Variants in MIOS observed in about 807,000 individuals in gnomAD.
The protein encoded by MIOS is meiosis regulator for oocyte development.
In MIOS, 52 loss-of-function variants were observed where a neutral mutation model predicts 96.9. The observed-to-expected ratio is 0.54, with a 90% CI of 0.43 to 0.68. The LOEUF (loss-of-function observed/expected upper bound fraction) is 0.68. Among genes scored for constraint, MIOS ranks in the 30% least tolerant of loss-of-function variants. MIOS has a pLI of 0.00. For missense variants in MIOS, 1,005 were observed against 1,052.8 expected (o/e 0.95, Z 0.63); for synonymous variants, 397 against 359.5 (o/e 1.10, Z -1.18).
chr7:7,601,981 A>G (rs1485612739), intron 11 of MIOS, among the ~76,000 whole-genome samples: 2 of 152,252 alleles, frequency 1.3e-5, no homozygotes, highest in African/African-American at 4.8e-5. Flanking sequence ...CCACATGATT[A>G]TCTCAATAGA....
At chr7:7,606,905 G>C in intron 12 of MIOS, 91 bp from the exon 13 acceptor site, 1 of 1,025,612 alleles carries the variant, frequency 9.8e-7, no homozygotes, top group Non-Finnish European at 1.5e-6. Context: ...GGGAAATATA[G>C]GGAGACCCTG....
At chr7:7,591,735 G>A (rs1350542811) in intron 9 of MIOS, among the ~76,000 whole-genome samples, 1 of 151,886 alleles carries the variant, frequency 6.6e-6, no homozygotes, top group Non-Finnish European at 1.5e-5. Flanking sequence ...AATGTACCTG[G>A]TTGTGGTTCA....
intron 6 of MIOS, among the ~76,000 whole-genome samples, chr7:7,583,989 CAG>C (rs1420727345): frequency 1.3e-5 from 2 of 152,078 alleles, no homozygotes; most frequent in East Asian, 1.9e-4. Flanking sequence ...TACAAAACCT[CAG>C]GGGTTTTTTT....
chr7:7,583,473 A>T, intron 6 of MIOS, 101 bp downstream of exon 6: 1 of 1,264,266 alleles, frequency 7.9e-7, no homozygotes, highest in Non-Finnish European at 1.1e-6. Context: ...ATATCTAATC[A>T]CTTAAAATTT....
At chr7:7,570,808 G>A (rs1300703735) in intron 3 of MIOS, among the ~76,000 whole-genome samples, 1 of 152,168 alleles carries the variant, frequency 6.6e-6, no homozygotes, top group Non-Finnish European at 1.5e-5. Flanking sequence ...GAGATGAGTG[G>A]CTGTAAATAA....
chr7:7,572,597 G>T lies in MIOS; in HGVS notation c.122G>T (p.Gly41Val). Reference protein sequence around the residue: ...ESTVNSELKAGSLRLSEDSAA... With the variant: ...ESTVNSELKAVSLRLSEDSAA... ...ACTGTGAATTCAGAACTCAAAGCTG[G>T]ATCTTTACGTTTATCTGAAGACTCT... Residue 41 changes from glycine (G) to valine (V), a missense_variant, in exon 4 of 13, where the codon GGA becomes GTA. This residue lies in a region of MIOS where 137 missense variants were observed against 148.6 expected (regional missense o/e 0.92). Coordinates refer to ENST00000340080, the MANE Select transcript of MIOS (RefSeq NM_019005.4). The surrounding 1 kb of genome is among the most constrained non-coding windows in gnomAD (Gnocchi z 4.8). 6.2e-7 allele frequency: 1 copy of T among 1,614,040 alleles called. No individual in the cohort carries two copies. Among genetic ancestry groups the T allele is most frequent in the South Asian group, 1.1e-5 (1 of 91,078 alleles).
intron 8 of MIOS, among the ~76,000 whole-genome samples, chr7:7,588,987 G>C (rs905859244): frequency 6.6e-6 from 1 of 152,084 alleles, no homozygotes; most frequent in African/African-American, 2.4e-5. Flanking sequence ...GAGGAATCTT[G>C]GCAAGAGTTT....
In MIOS at chr7:7,589,572, A is replaced by T. The variant is rs757356103; in HGVS notation, c.2043+9A>T. On this transcript the variant is annotated intron_variant, in intron 9 of 12. Transcript: ENST00000340080. ...GTTACTGTATGTTACAGGTCAGTGC[A>T]GTTTGACAGCAGCTTTTAAAAAAGT... The T allele has an allele frequency of 6.4e-7, 1 of 1,570,380 alleles. No individual in the cohort carries two copies. Among genetic ancestry groups the T allele is most frequent in the South Asian group, 1.2e-5 (1 of 83,050 alleles).
In MIOS at chr7:7,607,161, A is replaced by G. The variant is rs1784556112; in HGVS notation, c.*69A>G. On this transcript the variant is annotated 3_prime_UTR_variant, in exon 13 of 13. Coordinates refer to ENST00000340080, the MANE Select transcript of MIOS (RefSeq NM_019005.4). ...AGTAGGTGTCCTTCATAGCTCAGAAACATACCTCAGAACAAGCCATTCATG... is the reference window on the plus strand; with the variant it reads ...AGTAGGTGTCCTTCATAGCTCAGAAGCATACCTCAGAACAAGCCATTCATG... The G allele has an allele frequency of 8.3e-7, 1 of 1,198,208 alleles. No homozygotes were observed. The allele number at this position is 1,198,208 out of a possible 1,614,324, so 74.2% of individuals were successfully genotyped here. A position where few individuals can be genotyped will look rare whatever the true frequency, so the allele number is the denominator to read the frequency against.
rs1011338978 is a variant in MIOS at position 7,573,913 on chromosome 7, C to T, written c.1294+144C>T. On this transcript the variant is annotated intron_variant, in intron 4 of 12. Transcript: ENST00000340080. The surrounding 1 kb of genome is among the most constrained non-coding windows in gnomAD (Gnocchi z 5.0). ...ACTAACATTATAAAGTAAAATTGTT[C>T]TAAACTTTCGAACTTGAAATACTGC... 27 of 1,030,388 alleles carry T rather than the reference C, an allele frequency of 2.6e-5. No homozygotes were observed. In the East Asian group the frequency reaches 5.3e-4, roughly 20 times the overall value. 63.8% of individuals were successfully genotyped at this position (1,030,388 alleles called of 1,614,324 possible).
At chr7:7,599,714 C>T (rs1784315152) in intron 11 of MIOS, among the ~76,000 whole-genome samples, 1 of 151,992 alleles carries the variant, frequency 6.6e-6, no homozygotes, top group African/African-American at 2.4e-5. Flanking sequence ...TTAGGGAGAG[C>T]CTGAATATGA....
At chr7:7,606,411 G>A (rs1229311708) in intron 12 of MIOS, among the ~76,000 whole-genome samples, 1 of 152,192 alleles carries the variant, frequency 6.6e-6, no homozygotes, top group Non-Finnish European at 1.5e-5. Flanking sequence ...CTAATGAAAT[G>A]TTAAAAGAGC....
chr7:7,570,639 G>A (rs1025114942), intron 3 of MIOS, among the ~76,000 whole-genome samples: 2 of 151,774 alleles, frequency 1.3e-5, no homozygotes, highest in African/African-American at 2.4e-5. Context: ...CCATATGGGA[G>A]TGATAGGAGA....
At chr7:7,603,635 A>G (rs191514079) in intron 11 of MIOS, among the ~76,000 whole-genome samples, 15,386 of 152,238 alleles carry the variant, frequency 0.1, 851 homozygotes, top group Middle Eastern at 0.23. Flanking sequence ...TAGTTCAACC[A>G]TTGTGGAAGT....
At chr7:7,593,616 G>A (rs796561622) in intron 9 of MIOS, among the ~76,000 whole-genome samples, 6 of 151,994 alleles carry the variant, frequency 3.9e-5, no homozygotes, top group South Asian at 2.1e-4. Flanking sequence ...TAAAGCGGCC[G>A]GGCACGGTGA....
intron 11 of MIOS, among the ~76,000 whole-genome samples, chr7:7,597,183 G>A (rs995863750): frequency 3.0e-4 from 46 of 151,546 alleles, no homozygotes; most frequent in African/African-American, 1.0e-3. Flanking sequence ...AAAATTAGCC[G>A]GGCGTGGTGG....
intron 11 of MIOS, among the ~76,000 whole-genome samples, chr7:7,602,170 G>A (rs1240633892): frequency 3.9e-5 from 6 of 152,160 alleles, no homozygotes; most frequent in African/African-American, 9.7e-5. Flanking sequence ...GCACAAGACA[G>A]GGATGCCCTC....
intron 4 of MIOS, 39 bp from the exon 5 acceptor site, chr7:7,574,059 T>C: frequency 1.4e-6 from 2 of 1,417,092 alleles, no homozygotes; most frequent in South Asian, 2.5e-5. Flanking sequence ...TTGAAATATA[T>C]TGTCATGCAT....
At chr7:7,595,583 C>A (rs963693021) in intron 10 of MIOS, among the ~76,000 whole-genome samples, 1 of 152,032 alleles carries the variant, frequency 6.6e-6, no homozygotes, top group East Asian at 1.9e-4. Flanking sequence ...ATAAGGTATA[C>A]CACATTAAAT....
Sources: gnomAD v4.1 joint callset for allele counts (sites outside exome capture counted in the v4.1 genomes callset) on GRCh38, gnomAD v4.1.1 for gene constraint, gnomAD v4.1.1 regional missense constraint, Gnocchi (gnomAD v3.1) non-coding constraint, MANE v1.5 for transcripts, NCBI Gene and HGNC (gene_info 2026-07-23, HGNC 2026-07-21) for gene names.